Variants in NSMAF observed in about 807,000 individuals in gnomAD.
NSMAF encodes neutral sphingomyelinase activation associated factor.
In NSMAF, 90 loss-of-function variants were observed where a neutral mutation model predicts 134.9. The ratio of observed to expected loss-of-function variants is 0.67; its 90% CI spans 0.56 to 0.79. The LOEUF (loss-of-function observed/expected upper bound fraction) is 0.79. NSMAF is among the 30% of genes least tolerant of loss of function. The probability of loss-of-function intolerance (pLI) is 0.00; values close to 1 mark genes in which losing one functional copy is unlikely to be tolerated. For missense variants in NSMAF, 1,010 were observed against 1,119.0 expected, an observed-to-expected ratio of 0.90 and a Z score of 1.39; for synonymous variants, 358 against 389.6, an observed-to-expected ratio of 0.92 and a Z score of 0.96.
intron 23 of NSMAF, 56 bp from the exon 24 acceptor site, chr8:58,590,990 G>C: frequency 6.6e-7 from 1 of 1,512,128 alleles, no homozygotes; most frequent in Non-Finnish European, 9.0e-7. Flanking sequence ...CATTACAGAC[G>C]TCAAAGAACA....
chr8:58,640,817 T>C (rs1274276410), intron 2 of NSMAF, among the ~76,000 whole-genome samples: 3 of 151,932 alleles, frequency 2.0e-5, no homozygotes, highest in African/African-American at 4.8e-5. Flanking sequence ...CTGTACTGCC[T>C]TGGCTTACTA....
intron 13 of NSMAF, 103 bp from the exon 14 acceptor site, chr8:58,602,240 A>G: frequency 1.2e-6 from 1 of 814,060 alleles, no homozygotes; most frequent in Non-Finnish European, 1.9e-6. Flanking sequence ...GTTTTTTTAA[A>G]AATTGAGAGC....
At chr8:58,659,183 C>T (rs1807795712) in intron 1 of NSMAF, 1 of 1,417,976 alleles carries the variant, frequency 7.1e-7, no homozygotes. Flanking sequence ...GCCCGCCGGG[C>T]AGCGTACTCA....
chr8:58,587,657 G>T lies in NSMAF; in HGVS notation c.2256C>A (p.His752Gln). 1 of 1,614,174 alleles carries T rather than the reference G, an allele frequency of 6.2e-7. No homozygotes were observed. The highest frequency in any genetic ancestry group is 8.5e-7 in the Non-Finnish European group (1 of 1,180,012). The change falls in exon 27 of 31, where the codon CAC becomes CAA. Residue 752 changes from histidine (H) to glutamine (Q), a missense_variant. Physicochemically the swap from His to Gln is conservative, Grantham distance 24. Coordinates refer to ENST00000038176, the MANE Select transcript of NSMAF (RefSeq NM_003580.4). Reference protein sequence around the residue: ...VPAEMPGTKRHHFDLLAELEH... With the variant: ...VPAEMPGTKRQHFDLLAELEH... ...CCAGCTCGGCCAGCAAGTCAAAGTG[G>T]TGTCTTTTGGTGCCTGGCATCTCTG... is the stretch of plus-strand genomic sequence containing the variant.
intron 23 of NSMAF, among the ~76,000 whole-genome samples, chr8:58,592,910 ACAACAAC>A (rs1563524138): frequency 2.2e-5 from 2 of 91,284 alleles, no homozygotes; most frequent in East Asian, 3.4e-4. Flanking sequence ...AACAAAAACA[ACAACAAC>A]AAAAAAAAAA....
intron 5 of NSMAF, among the ~76,000 whole-genome samples, chr8:58,634,199 G>A (rs1277992393): frequency 1.3e-5 from 2 of 152,162 alleles, no homozygotes; most frequent in African/African-American, 4.8e-5. Flanking sequence ...TGAAGTTGAG[G>A]AAGCCTGTGA....
chr8:58,645,237 A>G (rs1807419012), intron 1 of NSMAF, among the ~76,000 whole-genome samples: 1 of 151,768 alleles, frequency 6.6e-6, no homozygotes, highest in African/African-American at 2.4e-5. Context: ...GGTTAACCAT[A>G]CTGCACTCTG....
intron 6 of NSMAF, among the ~76,000 whole-genome samples, chr8:58,626,974 T>C (rs1480322485): frequency 6.6e-6 from 1 of 152,246 alleles, no homozygotes; most frequent in Non-Finnish European, 1.5e-5. Flanking sequence ...GTGAGCATTT[T>C]TTCATATGTT....
chr8:58,628,735 TG>T (rs2129145195), intron 6 of NSMAF, among the ~76,000 whole-genome samples: 1 of 152,322 alleles, frequency 6.6e-6, no homozygotes, highest in Admixed American at 6.5e-5. Flanking sequence ...TGGTAAACTC[TG>T]AGCTTTTGTT....
At chr8:58,627,720 C>G (rs1806967858) in intron 6 of NSMAF, among the ~76,000 whole-genome samples, 1 of 152,104 alleles carries the variant, frequency 6.6e-6, no homozygotes, top group Non-Finnish European at 1.5e-5. Flanking sequence ...ATAGATGACA[C>G]AAACAAATGG....
intron 19 of NSMAF, 64 bp downstream of exon 19, chr8:58,599,168 A>G (rs1806213983): frequency 4.8e-6 from 7 of 1,471,524 alleles, no homozygotes; most frequent in East Asian, 2.3e-5. Context: ...TCATTTTCCA[A>G]TGAAAATGAA....
At chr8:58,590,674 A>G (rs566271018) in intron 24 of NSMAF, among the ~76,000 whole-genome samples, 193 bp downstream of exon 24, 1 of 152,340 alleles carries the variant, frequency 6.6e-6, no homozygotes, top group South Asian at 2.1e-4. Flanking sequence ...TGAAATCACA[A>G]CAGTAAGAGA....
At chr8:58,629,182 G>C (rs1303392623) in intron 6 of NSMAF, among the ~76,000 whole-genome samples, 1 of 151,956 alleles carries the variant, frequency 6.6e-6, no homozygotes, top group African/African-American at 2.4e-5. Context: ...TGGTCCACTT[G>C]ACGGTGTGTC....
Position 58,587,652 on chromosome 8 carries a change from A to T in NSMAF, c.2261T>A (p.Phe754Tyr). The change falls in exon 27 of 31, where the codon TTT (phenylalanine) becomes TAT (tyrosine). Residue 754 changes from phenylalanine to tyrosine, a missense_variant. Phe to Tyr is a conservative substitution (Grantham distance 22). Coordinates refer to ENST00000038176, the MANE Select transcript of NSMAF (RefSeq NM_003580.4). ...AEMPGTKRHH[F>Y]DLLAELEHDV... The stretch of plus-strand genomic sequence containing the variant: ...ATGTTCCAGCTCGGCCAGCAAGTCA[A>T]AGTGGTGTCTTTTGGTGCCTGGCAT... 6.2e-7 allele frequency: 1 copy of T among 1,614,224 alleles called. No individual in the cohort carries two copies. Among genetic ancestry groups the T allele is most frequent in the Non-Finnish European group, 8.5e-7 (1 of 1,180,030 alleles).
Position 58,631,630 on chromosome 8 carries a change from T to A in NSMAF, c.334-84A>T, listed in dbSNP as rs1316465254. 5.5e-6 allele frequency: 4 copies of A among 733,040 alleles called. No homozygotes were observed. In the East Asian group the frequency reaches 9.1e-5, roughly 17 times the overall value. 45.4% of individuals were successfully genotyped at this position (733,040 alleles called of 1,614,324 possible). The stretch of plus-strand genomic sequence containing the variant: ...TAACTACAAATCAGAACATTATCAA[T>A]CAAAAGTTTTAAATCATTGTTATAT... On this transcript the variant is annotated intron_variant, in intron 5 of 30. Coordinates refer to ENST00000038176, the MANE Select transcript of NSMAF (RefSeq NM_003580.4).
intron 2 of NSMAF, chr8:58,637,161 C>T: frequency 6.4e-6 from 2 of 312,576 alleles, no homozygotes; most frequent in Non-Finnish European, 1.3e-5. Context: ...CATTTTTGGC[C>T]CAATGTCAGC....
rs1211771904 is a variant in NSMAF, at chr8:58,585,329, T to TC, written c.2659+322dup. ...GTATTGTTTCTGGGTTTTTTTTTTT[T>TC]CTCTTTTTTTACTATTCTAAAAATT... On this transcript the variant is annotated intron_variant, in intron 30 of 30. Transcript: ENST00000038176. Among the ~76,000 whole-genome samples, 107 of 150,804 alleles carry TC rather than the reference T, an allele frequency of 7.1e-4. 1 individual carries two copies. The highest frequency in any genetic ancestry group is 2.6e-3 in the African/African-American group (106 of 41,088).
intron 1 of NSMAF, chr8:58,659,103 C>T (rs1002776716): frequency 6.0e-5 from 69 of 1,159,336 alleles, no homozygotes; most frequent in Non-Finnish European, 7.8e-5. Context: ...CGGTGCCGCC[C>T]GGCGACCAAC....
chr8:58,640,039 G>C, intron 2 of NSMAF: 2 of 455,110 alleles, frequency 4.4e-6, no homozygotes, highest in Non-Finnish European at 8.8e-6. Context: ...GAAATTAAAG[G>C]GGGTGGAAGA....
Sources: allele counts gnomAD v4.1 joint callset (sites outside exome capture counted in the v4.1 genomes callset), GRCh38; gene constraint gnomAD v4.1.1; transcripts MANE v1.5; gene names NCBI Gene and HGNC (gene_info 2026-07-23, HGNC 2026-07-21).